The following KLHL13 variants were observed in gnomAD, a reference collection of about 807,000 sequenced individuals.
KLHL13 encodes kelch like family member 13, also known as kelch-like protein 13.
KLHL13 carries 10 observed loss-of-function variants against 37.1 expected under a neutral mutation model. The observed-to-expected ratio is 0.27, with a 90% CI of 0.17 to 0.46. The LOEUF (loss-of-function observed/expected upper bound fraction) is 0.46, where lower values mean the gene tolerates loss of function less well. Ranked by LOEUF, KLHL13 falls within the 20% of genes least tolerant of loss-of-function variation. The pLI is 1.00. For synonymous variants in KLHL13, 163 were observed against 181.2 expected (o/e 0.90, Z 0.81); for missense variants, 360 against 509.3 (o/e 0.71, Z 2.82).
chrX:118,028,842 G>A (rs929027610), intron 1 of KLHL13, among the ~76,000 whole-genome samples: 1 of 111,084 alleles, frequency 9.0e-6, no homozygotes, highest in South Asian at 3.8e-4. Context: ...AATATTAAAC[G>A]GAGAATTCTC....
At chrX:118,109,683 C>A (rs2055386263) in intron 1 of KLHL13, among the ~76,000 whole-genome samples, 1 of 112,000 alleles carries the variant, frequency 8.9e-6, no homozygotes, top group East Asian at 2.8e-4. Flanking sequence ...TTTGAAGGAC[C>A]CAAAGTAATG....
chrX:118,034,471 C>T (rs1204144549), intron 1 of KLHL13, among the ~76,000 whole-genome samples: 7 of 98,274 alleles, frequency 7.1e-5, no homozygotes, highest in Admixed American at 2.2e-4. Context: ...GGAAACTGAA[C>T]AACCTGCTAC....
chrX:118,030,964 G>C (rs745565398), intron 1 of KLHL13, among the ~76,000 whole-genome samples: 3 of 111,759 alleles, frequency 2.7e-5, no homozygotes, highest in Non-Finnish European at 5.6e-5. Context: ...TACTGTGCCT[G>C]GATTTCTGAG....
chrX:117,957,233 T>G (rs5956822), intron 1 of KLHL13, among the ~76,000 whole-genome samples: 6,832 of 111,196 alleles, frequency 0.061, 520 homozygotes, highest in African/African-American at 0.21. Flanking sequence ...AATTATAATT[T>G]TCACATACAT....
chrX:117,997,075 T>C (rs748854875), intron 1 of KLHL13, among the ~76,000 whole-genome samples: 19 of 110,307 alleles, frequency 1.7e-4, no homozygotes, highest in Non-Finnish European at 3.2e-4. Flanking sequence ...GGAAGACTCA[T>C]ACTCACTTGC....
upstream of KLHL13, among the ~76,000 whole-genome samples, chrX:117,974,437 A>G (rs10126626): frequency 0.063 from 7,080 of 112,071 alleles, 549 homozygotes; most frequent in African/African-American, 0.22. Context: ...TTAAATAGTT[A>G]GCGTTCGAAT....
At chrX:117,926,764 C>A (rs1295443628) in intron 2 of KLHL13, among the ~76,000 whole-genome samples, 1 of 108,719 alleles carries the variant, frequency 9.2e-6, no homozygotes, top group Non-Finnish European at 1.9e-5. Context: ...GAGTCCCCAC[C>A]TCACCCCACC....
rs747248023 is a variant in KLHL13, at chrX:118,060,507, A to G, written c.-56+56001T>C. On this transcript the variant is annotated intron_variant, in intron 1 of 6. Transcript: ENST00000371882. Reference sequence around the variant, plus strand: ...TAAAAATGGAAGCAGATGAAAAAAGAAGTATTATTTATAGAATTCTTCCAC... The same window carrying G: ...TAAAAATGGAAGCAGATGAAAAAAGGAGTATTATTTATAGAATTCTTCCAC... 5.4e-5 allele frequency among the ~76,000 whole-genome samples: 6 copies of G among 111,437 alleles called. No individual in the cohort carries two copies. In the East Asian group the frequency reaches 1.4e-3, roughly 26 times the overall value.
At chrX:118,062,423 T>C (rs1471815103) in intron 1 of KLHL13, among the ~76,000 whole-genome samples, 1 of 110,946 alleles carries the variant, frequency 9.0e-6, no homozygotes, top group Non-Finnish European at 1.9e-5. Flanking sequence ...AATTTTTCAT[T>C]TTCTGTAGTT....
At chrX:117,905,765 T>TGGAGTATCCA (rs1200961991) in intron 5 of KLHL13, among the ~76,000 whole-genome samples, 171 of 111,420 alleles carry the variant, frequency 1.5e-3, no homozygotes, top group African/African-American at 5.4e-3. Context: ...TCATAGAAGA[T>TGGAGTATCCA]GGAGTATCCA....
At chrX:117,980,352 G>C (rs955065634) in intron 1 of KLHL13, among the ~76,000 whole-genome samples, 2 of 111,438 alleles carry the variant, frequency 1.8e-5, no homozygotes, top group African/African-American at 6.5e-5. Flanking sequence ...CTAAAAGTCT[G>C]AATTTCTGAA....
intron 1 of KLHL13, among the ~76,000 whole-genome samples, chrX:118,104,048 T>TAAAAA (rs60645250): frequency 2.3e-5 from 1 of 42,560 alleles, no homozygotes; most frequent in African/African-American, 8.9e-5. Context: ...TCATTTCCAC[T>TAAAAA]AAAAAAAAAA....
At chrX:118,049,024 CCA>C (rs780549406) in intron 1 of KLHL13, among the ~76,000 whole-genome samples, 18 of 111,840 alleles carry the variant, frequency 1.6e-4, no homozygotes, top group Non-Finnish European at 3.2e-4. Context: ...AATAAAGATT[CCA>C]GTTTATGACC....
chrX:117,979,553 A>G (rs1181788941), intron 1 of KLHL13, among the ~76,000 whole-genome samples: 1 of 111,613 alleles, frequency 9.0e-6, no homozygotes, highest in Non-Finnish European at 1.9e-5. Context: ...AGTAAATTGA[A>G]AGGGAAATTT....
intron 1 of KLHL13, among the ~76,000 whole-genome samples, chrX:118,089,825 T>C (rs1406391294): frequency 9.0e-6 from 1 of 110,671 alleles, no homozygotes; most frequent in Non-Finnish European, 1.9e-5. Flanking sequence ...ACACCTGTTA[T>C]CCCAGCATTT....
At chrX:118,071,933 C>T (rs1342832523) in intron 1 of KLHL13, among the ~76,000 whole-genome samples, 2 of 109,917 alleles carry the variant, frequency 1.8e-5, no homozygotes, top group East Asian at 2.8e-4. Context: ...TAATGCCATC[C>T]CCATCAAGCT....
intron 3 of KLHL13, 44 bp downstream of exon 4, chrX:117,920,193 TC>T: frequency 8.6e-7 from 1 of 1,156,938 alleles, no homozygotes; most frequent in Non-Finnish European, 1.2e-6. Context: ...CACGGATTTT[TC>T]ATATTGTTTT....
In KLHL13 at chrX:118,097,943, G is replaced by C. The variant is rs779507041; in HGVS notation, c.-56+18565C>G. 4.5e-5 allele frequency among the ~76,000 whole-genome samples: 5 copies of C among 111,664 alleles called. No individual in the cohort carries two copies. In the Admixed American group the frequency reaches 4.8e-4, roughly 11 times the overall value. ...AAAAATTAATTCAAGATGGATTAAA[G>C]ACTTAAACGTTAGACCTAAAACCAT... On this transcript the variant is annotated intron_variant, in intron 1 of 6. Coordinates refer to the KLHL13 transcript ENST00000371882.
intron 2 of KLHL13, among the ~76,000 whole-genome samples, chrX:117,928,721 TG>T (rs772895499): frequency 0.011 from 1,178 of 111,604 alleles, 21 homozygotes; most frequent in African/African-American, 0.036. Flanking sequence ...TATCAGTCAA[TG>T]ACTATATTAA....
Sources: gnomAD v4.1 joint callset for allele counts (sites outside exome capture counted in the v4.1 genomes callset) on GRCh38, gnomAD v4.1.1 for gene constraint, MANE v1.5 for transcripts, NCBI Gene and HGNC (gene_info 2026-07-23, HGNC 2026-07-21) for gene names.